Variants in GRIN3A observed in about 807,000 individuals in gnomAD.
GRIN3A encodes glutamate ionotropic receptor NMDA type subunit 3A.
Under a neutral mutation model 92.4 loss-of-function variants are expected in GRIN3A, and 47 were observed. The observed-to-expected ratio is 0.51, with a 90% CI of 0.40 to 0.65. The LOEUF (loss-of-function observed/expected upper bound fraction) is 0.65. GRIN3A is among the 30% of genes least tolerant of loss of function. The probability of loss-of-function intolerance (pLI) is 0.00; values close to 1 mark genes in which losing one functional copy is unlikely to be tolerated. For missense variants in GRIN3A, 1,324 were observed against 1,393.1 expected, an observed-to-expected ratio of 0.95 and a Z score of 0.79; for synonymous variants, 527 against 540.6, an observed-to-expected ratio of 0.97 and a Z score of 0.35.
intron 8 of GRIN3A, among the ~76,000 whole-genome samples, chr9:101,576,137 G>A (rs1474382994): frequency 6.6e-6 from 1 of 152,188 alleles, no homozygotes; most frequent in Non-Finnish European, 1.5e-5. Context: ...TTTAGGCTTT[G>A]CTTTGATTCA....
rs57677665 is a variant in GRIN3A, at chr9:101,619,306, A to G, written c.2614+4012T>C. ...AGAACATATTGTAATGGTCCCAACT[A>G]TAAAGGTACTATAAAATGGGTTTCC... On this transcript the variant is annotated intron_variant, in intron 5 of 8. Coordinates refer to ENST00000361820, the MANE Select transcript of GRIN3A (RefSeq NM_133445.3). Among the ~76,000 whole-genome samples the G allele has an allele frequency of 4.6e-3, 704 of 152,308 alleles. 6 individuals carry two copies. Among genetic ancestry groups the G allele is most frequent in the African/African-American group, 0.016 (662 of 41,570 alleles).
intron 3 of GRIN3A, among the ~76,000 whole-genome samples, chr9:101,661,091 TG>T (rs1208583031): frequency 6.6e-6 from 1 of 151,834 alleles, no homozygotes; most frequent in Non-Finnish European, 1.5e-5. Flanking sequence ...AAAGCCTCTG[TG>T]GACAGTATAA....
At chr9:101,685,925 T>G (rs2118976298) in intron 2 of GRIN3A, among the ~76,000 whole-genome samples, 1 of 152,060 alleles carries the variant, frequency 6.6e-6, no homozygotes, top group South Asian at 2.1e-4. Context: ...ACAAAGGAAA[T>G]TAAGGCTCAG....
At chr9:101,638,370 C>G (rs1280653984) in intron 3 of GRIN3A, among the ~76,000 whole-genome samples, 1 of 152,210 alleles carries the variant, frequency 6.6e-6, no homozygotes, top group East Asian at 1.9e-4. Flanking sequence ...TGTTTTGCCT[C>G]TTCTATGACC....
rs1564120204 is a variant in GRIN3A, at chr9:101,590,383, TA to T, written c.2767-11024del. ...TTATTTATTTATTTATTTATTTATT[TA>T]TTTATTTATTTTTTTGAGATGGAAT... On this transcript the variant is annotated intron_variant, in intron 6 of 8. Transcript: ENST00000361820. 1.1e-3 allele frequency among the ~76,000 whole-genome samples: 149 copies of T among 141,190 alleles called. 1 individual carries two copies. Among genetic ancestry groups the T allele is most frequent in the African/African-American group, 3.1e-3 (114 of 37,362 alleles). The allele number at this position is 141,190 out of a possible 152,430, so 92.6% of individuals were successfully genotyped here.
chr9:101,601,541 C>T (rs192569469), intron 6 of GRIN3A, among the ~76,000 whole-genome samples: 94 of 152,268 alleles, frequency 6.2e-4, no homozygotes, highest in African/African-American at 2.0e-3. Flanking sequence ...GCAGCACAAA[C>T]GGGGTGGCTT....
At chr9:101,590,380 AT>A (rs1564120201) in intron 6 of GRIN3A, among the ~76,000 whole-genome samples, 1 of 123,418 alleles carries the variant, frequency 8.1e-6, no homozygotes, top group African/African-American at 3.0e-5. Context: ...TTATTTATTT[AT>A]TTATTTATTT....
chr9:101,693,511 C>T (rs1829646637), intron 1 of GRIN3A, among the ~76,000 whole-genome samples: 1 of 152,094 alleles, frequency 6.6e-6, no homozygotes, highest in Admixed American at 6.6e-5. Flanking sequence ...GTTCCCTCTA[C>T]TTGATAAAAG....
At chr9:101,678,060 A>C (rs1829421803) in intron 2 of GRIN3A, among the ~76,000 whole-genome samples, 1 of 152,116 alleles carries the variant, frequency 6.6e-6, no homozygotes, top group Non-Finnish European at 1.5e-5. Flanking sequence ...AAGCTGAAAG[A>C]GGCTTCAGCA....
intron 1 of GRIN3A, among the ~76,000 whole-genome samples, chr9:101,690,542 A>G (rs1015639081): frequency 1.3e-5 from 2 of 152,206 alleles, no homozygotes; most frequent in East Asian, 3.8e-4. Flanking sequence ...GTCACCAAGA[A>G]GTTGGTTCAA....
intron 6 of GRIN3A, among the ~76,000 whole-genome samples, chr9:101,610,626 A>ATCG: frequency 8.8e-6 from 1 of 114,274 alleles, no homozygotes; most frequent in East Asian, 2.7e-4. Flanking sequence ...TCTATCTATC[A>ATCG]TCTATCTATC....
intron 1 of GRIN3A, among the ~76,000 whole-genome samples, chr9:101,725,631 G>C (rs1830074675): frequency 6.6e-6 from 1 of 152,156 alleles, no homozygotes; most frequent in Non-Finnish European, 1.5e-5. Context: ...TATGGAAAAG[G>C]CCTGTATGAA....
chr9:101,677,582 T>C (rs1829414969), intron 2 of GRIN3A, among the ~76,000 whole-genome samples: 1 of 152,062 alleles, frequency 6.6e-6, no homozygotes, highest in South Asian at 2.1e-4. Context: ...TTTTTTTATG[T>C]CTCTTTTACC....
At chr9:101,602,654 G>C (rs1351752999) in intron 6 of GRIN3A, among the ~76,000 whole-genome samples, 1 of 152,206 alleles carries the variant, frequency 6.6e-6, no homozygotes, top group Non-Finnish European at 1.5e-5. Flanking sequence ...ATGTGGTCTT[G>C]GGTGTAATTT....
At chr9:101,618,525 A>C (rs1052181224) in intron 5 of GRIN3A, among the ~76,000 whole-genome samples, 2 of 152,208 alleles carry the variant, frequency 1.3e-5, no homozygotes, top group Non-Finnish European at 2.9e-5. Flanking sequence ...TAGAATGGCA[A>C]TCATTAAAAA....
chr9:101,737,936 A>G lies in GRIN3A; in HGVS notation c.44T>C (p.Leu15Pro). 2 of 1,537,958 alleles carry G rather than the reference A, an allele frequency of 1.3e-6. No individual in the cohort carries two copies. The highest frequency in any genetic ancestry group is 1.7e-6 in the Non-Finnish European group (2 of 1,148,532). Residue 15 changes from leucine to proline, a missense_variant, in exon 1 of 9, where the codon CTG becomes CCG. Coordinates refer to ENST00000361820, the MANE Select transcript of GRIN3A (RefSeq NM_133445.3). ...CAGTGCGCAGGGCGGCGGCAACAGC[A>G]GACAGACCCTGCTCAGCAGCCACCA... is the stretch of plus-strand genomic sequence containing the variant. ...SLWWLLSRVC[L>P]LLPPPCALVL...
chr9:101,682,672 A>G (rs1829472989), intron 2 of GRIN3A, among the ~76,000 whole-genome samples: 2 of 152,244 alleles, frequency 1.3e-5, no homozygotes, highest in South Asian at 4.1e-4. Flanking sequence ...AATTGCTCCA[A>G]TTAACTAACA....
intron 3 of GRIN3A, 32 bp from the exon 4 acceptor site, chr9:101,628,433 A>C: frequency 1.2e-6 from 2 of 1,600,340 alleles, no homozygotes; most frequent in Middle Eastern, 1.7e-4. Flanking sequence ...GGCTTAAATA[A>C]AAATTATTCT....
intron 6 of GRIN3A, among the ~76,000 whole-genome samples, chr9:101,598,713 G>A (rs1346792033): frequency 6.6e-6 from 1 of 152,070 alleles, no homozygotes; most frequent in Non-Finnish European, 1.5e-5. Context: ...AGCCTGCCCT[G>A]GACACCTAAG....
Sources: allele counts gnomAD v4.1 joint callset (sites outside exome capture counted in the v4.1 genomes callset), GRCh38; gene constraint gnomAD v4.1.1; transcripts MANE v1.5; gene names NCBI Gene and HGNC (gene_info 2026-07-23, HGNC 2026-07-21).